Variants in CNGB1 observed in about 807,000 individuals in gnomAD.
The protein encoded by CNGB1 is cyclic nucleotide-gated channel beta-1.
Under a neutral mutation model 151.7 loss-of-function variants are expected in CNGB1, and 126 were observed. The observed-to-expected ratio is 0.83, with a 90% CI of 0.72 to 0.96. The LOEUF (loss-of-function observed/expected upper bound fraction) is 0.96. CNGB1 is among the 40% of genes least tolerant of loss of function. The pLI, the probability that CNGB1 is intolerant of heterozygous loss-of-function variation, is 0.00. For missense variants in CNGB1, 1,698 were observed against 1,627.0 expected, an observed-to-expected ratio of 1.04 and a Z score of -0.75; for synonymous variants, 623 against 635.1, an observed-to-expected ratio of 0.98 and a Z score of 0.29.
In CNGB1 at chr16:57,930,611, T is replaced by G. The variant is rs548400412; in HGVS notation, c.1535+1105A>C. ...AAAGGAAGGAAAAAAGAAAAGAAAATAAAAGAACAAAGAAAAGAAAATGTG... is the reference window on the plus strand; with the variant it reads ...AAAGGAAGGAAAAAAGAAAAGAAAAGAAAAGAACAAAGAAAAGAAAATGTG... On this transcript the variant is annotated intron_variant, in intron 17 of 32. Transcript: ENST00000251102. 1.6e-4 allele frequency among the ~76,000 whole-genome samples: 24 copies of G among 148,794 alleles called. No homozygotes were observed. In the South Asian group the frequency reaches 1.9e-3, roughly 12 times the overall value.
At chr16:57,908,453 G>A (rs976848554) in intron 25 of CNGB1, among the ~76,000 whole-genome samples, 6 of 152,240 alleles carry the variant, frequency 3.9e-5, no homozygotes, top group Admixed American at 3.3e-4. Context: ...GGCACCCTTC[G>A]GTGAGTAACT....
At chr16:57,968,551 T>C (rs1430242622) in intron 1 of CNGB1, among the ~76,000 whole-genome samples, 5 of 152,162 alleles carry the variant, frequency 3.3e-5, no homozygotes, top group Non-Finnish European at 7.3e-5. Flanking sequence ...GACTGGCACA[T>C]GCCGAGGGCT....
intron 16 of CNGB1, 152 bp downstream of exon 16, chr16:57,939,278 G>A (rs1961596536): frequency 9.4e-7 from 1 of 1,060,544 alleles, no homozygotes; most frequent in African/African-American, 1.5e-5. Flanking sequence ...ACCAAGGATG[G>A]GATTTTCCTG....
At chr16:57,942,041 T>C (rs1213776162) in intron 14 of CNGB1, among the ~76,000 whole-genome samples, 1 of 151,828 alleles carries the variant, frequency 6.6e-6, no homozygotes, top group African/African-American at 2.4e-5. Flanking sequence ...TTGGTTTGGT[T>C]TGGTTTGGTT....
intron 20 of CNGB1, among the ~76,000 whole-genome samples, chr16:57,918,223 C>CT (rs1960932837): frequency 6.6e-6 from 1 of 152,028 alleles, no homozygotes; most frequent in South Asian, 2.1e-4. Context: ...AGTTCTTTCA[C>CT]TACAGCCTCT....
intron 20 of CNGB1, among the ~76,000 whole-genome samples, chr16:57,918,208 C>G (rs1156288337): frequency 6.6e-6 from 1 of 151,920 alleles, no homozygotes; most frequent in African/African-American, 2.4e-5. Context: ...CTCCTGGGCT[C>G]AAGCAGTTCT....
At position 57,964,211 on chromosome 16, in the gene CNGB1, G is replaced by T. The variant is rs780848859; in HGVS notation, c.218-9C>A. The T allele has an allele frequency of 6.2e-7, 1 of 1,613,868 alleles. No homozygotes were observed. Among genetic ancestry groups the T allele is most frequent in the Non-Finnish European group, 8.5e-7 (1 of 1,179,774 alleles). On this transcript the variant is annotated splice_polypyrimidine_tract_variant and intron_variant, in intron 3 of 32. Coordinates refer to ENST00000251102, the MANE Select transcript of CNGB1 (RefSeq NM_001297.5). ...GGCAGCCTCCTTGGTCTCTGGAAAA[G>T]AATCTCTCATCCTTCAGATCTAGGG...
At chr16:57,944,967 A>C (rs957086616) in intron 14 of CNGB1, among the ~76,000 whole-genome samples, 7 of 144,984 alleles carry the variant, frequency 4.8e-5, no homozygotes, top group Middle Eastern at 3.6e-3. Context: ...AAAAAAAAAA[A>C]AAAAAACAAG....
chr16:57,920,413 G>A lies in CNGB1; in HGVS notation c.1775C>T (p.Thr592Ile), dbSNP rs1960998163. ...GGGCTTGGGGCTCTCCTCATCAGAG[G>A]TGACGTCAGGGTCAATGAGTTTCTC... ...VKEKLIDPDV[T>I]SDEESPKPSP... is the part of the protein sequence containing the mutation. Residue 592 changes from threonine to isoleucine, a missense_variant, in exon 19 of 33, where the codon ACC (threonine) becomes ATC (isoleucine). Coordinates refer to ENST00000251102, the MANE Select transcript of CNGB1 (RefSeq NM_001297.5). The A allele has an allele frequency of 6.2e-7, 1 of 1,614,094 alleles. No homozygotes were observed. Among genetic ancestry groups the A allele is most frequent in the Non-Finnish European group, 8.5e-7 (1 of 1,180,044 alleles).
chr16:57,925,382 C>T (rs1188145350), intron 17 of CNGB1, among the ~76,000 whole-genome samples: 4 of 152,152 alleles, frequency 2.6e-5, no homozygotes, highest in Non-Finnish European at 5.9e-5. Flanking sequence ...AGGAATTGAA[C>T]CTGAGTGTAC....
At chr16:57,918,760 T>G (rs1960948239) in intron 20 of CNGB1, among the ~76,000 whole-genome samples, 1 of 152,164 alleles carries the variant, frequency 6.6e-6, no homozygotes, top group Non-Finnish European at 1.5e-5. Flanking sequence ...AATGCAATTG[T>G]GCGATCTTGA....
At chr16:57,912,811 T>TTG in intron 24 of CNGB1, 119 bp downstream of exon 24, 2 of 1,000,616 alleles carry the variant, frequency 2.0e-6, no homozygotes, top group South Asian at 2.7e-5. Flanking sequence ...TGTGTGTGTG[T>TTG]TGTGTGTGTC....
At chr16:57,891,947 AAC>A (rs377241489) in intron 31 of CNGB1, among the ~76,000 whole-genome samples, 41 of 152,268 alleles carry the variant, frequency 2.7e-4, no homozygotes, top group African/African-American at 9.1e-4. Flanking sequence ...AAGCTTATCT[AAC>A]ACATATTTTC....
chr16:57,949,473 C>G, intron 13 of CNGB1, 34 bp from the exon 14 acceptor site: 1 of 1,612,632 alleles, frequency 6.2e-7, no homozygotes, highest in Non-Finnish European at 8.5e-7. Flanking sequence ...GGTGAGCCCA[C>G]CCGAAGCTGC....
chr16:57,929,928 A>AAAAT (rs753689588), intron 17 of CNGB1, among the ~76,000 whole-genome samples: 4 of 152,226 alleles, frequency 2.6e-5, no homozygotes, highest in African/African-American at 7.2e-5. Context: ...CATGATCCAA[A>AAAAT]AAATAAATAA....
intron 16 of CNGB1, among the ~76,000 whole-genome samples, chr16:57,937,712 T>C (rs1431423968): frequency 6.6e-6 from 1 of 152,210 alleles, no homozygotes; most frequent in Non-Finnish European, 1.5e-5. Flanking sequence ...GGTAGAATTT[T>C]CCAGTCCAAA....
chr16:57,905,455 T>C (rs1960523149), intron 25 of CNGB1, among the ~76,000 whole-genome samples: 1 of 152,210 alleles, frequency 6.6e-6, no homozygotes, highest in Non-Finnish European at 1.5e-5. Context: ...CTCTAAGATG[T>C]CATCCACCAG....
At chr16:57,962,478 G>T in intron 7 of CNGB1, 87 bp downstream of exon 7, 1 of 1,197,924 alleles carries the variant, frequency 8.3e-7, no homozygotes, top group South Asian at 1.2e-5. Flanking sequence ...ACCCTGAGGT[G>T]GTAACAGACC....
intron 14 of CNGB1, among the ~76,000 whole-genome samples, chr16:57,942,791 A>C (rs1233105698): frequency 6.7e-6 from 1 of 149,986 alleles, no homozygotes; most frequent in Non-Finnish European, 1.5e-5. Flanking sequence ...TGAGCCTGGG[A>C]GGTGGAGGCT....
Sources: gnomAD v4.1 joint callset for allele counts (sites outside exome capture counted in the v4.1 genomes callset) on GRCh38, gnomAD v4.1.1 for gene constraint, MANE v1.5 for transcripts, NCBI Gene and HGNC (gene_info 2026-07-23, HGNC 2026-07-21) for gene names.